TECPR2: variants seen among roughly 807,000 people sequenced by gnomAD.
The protein encoded by TECPR2 is tectonin beta-propeller repeat-containing protein 2.
In TECPR2, 65 loss-of-function variants were observed where a neutral mutation model predicts 138.1. The observed-to-expected ratio is 0.47, with a 90% CI of 0.39 to 0.58. The LOEUF is 0.58. Ranked by LOEUF, TECPR2 falls within the 20% of genes least tolerant of loss-of-function variation. The pLI, the probability that TECPR2 is intolerant of heterozygous loss-of-function variation, is 0.00. For missense variants in TECPR2, 1,553 were observed against 1,824.5 expected (o/e 0.85, Z 2.71); for synonymous variants, 746 against 749.8 (o/e 0.99, Z 0.08).
chr14:102,426,168 G>GA (rs1889315892), intron 6 of TECPR2, among the ~76,000 whole-genome samples: 1 of 151,658 alleles, frequency 6.6e-6, no homozygotes, highest in Non-Finnish European at 1.5e-5. Flanking sequence ...TTACAGGCGT[G>GA]AACCGCCGCG....
intron 4 of TECPR2, among the ~76,000 whole-genome samples, chr14:102,411,303 G>T (rs1888848923): frequency 6.6e-6 from 1 of 152,054 alleles, no homozygotes; most frequent in Non-Finnish European, 1.5e-5. Flanking sequence ...AGGCCTCTGA[G>T]CCCAAGCCAA....
At chr14:102,372,601 G>A (rs1887534102) in intron 1 of TECPR2, among the ~76,000 whole-genome samples, 1 of 152,098 alleles carries the variant, frequency 6.6e-6, no homozygotes, top group Non-Finnish European at 1.5e-5. Flanking sequence ...AAATTTTTGA[G>A]GCCGGGCATG....
At chr14:102,428,186 T>G (rs1341451281) in intron 6 of TECPR2, 64 bp from the exon 7 acceptor site, 2 of 1,475,936 alleles carry the variant, frequency 1.4e-6, no homozygotes, top group African/African-American at 2.9e-5. Context: ...ATTTTTATGC[T>G]TTGAGCTGTT....
chr14:102,434,251 C>A lies in TECPR2; in HGVS notation c.1434C>A (p.Ser478Arg). The change falls in exon 9 of 20, where the codon AGC (serine) becomes AGA (arginine). Residue 478 changes from serine to arginine, a missense_variant. By Grantham distance (110) the Ser-to-Arg change is moderately radical. Transcript: ENST00000359520. ...CTGAATTAGAAGGTGGAAGCAGGAG[C>A]ACCTGTCACAGCTCCCTGGAATCGA... is the stretch of plus-strand genomic sequence containing the variant. ...KKKKTEGGSR[S>R]TCHSSLESTP... 7.3e-7 allele frequency: 1 copy of A among 1,371,028 alleles called. No individual in the cohort carries two copies. Among genetic ancestry groups the A allele is most frequent in the South Asian group, 2.6e-5 (1 of 38,986 alleles). 84.9% of individuals were successfully genotyped at this position (1,371,028 alleles called of 1,614,324 possible).
At chr14:102,424,889 GT>G in intron 5 of TECPR2, 89 bp from the exon 6 acceptor site, 2 of 1,318,820 alleles carry the variant, frequency 1.5e-6, no homozygotes, top group South Asian at 2.9e-5. Context: ...AAAAATTCTT[GT>G]TGTACTTAAT....
chr14:102,483,808 T>G (rs1050434301), intron 17 of TECPR2, among the ~76,000 whole-genome samples: 9 of 148,966 alleles, frequency 6.0e-5, no homozygotes, highest in African/African-American at 2.0e-4. Context: ...TTTTTTTTTT[T>G]TTTTGAGTTG....
At chr14:102,441,535 A>G (rs1889831756) in intron 11 of TECPR2, among the ~76,000 whole-genome samples, 1 of 151,512 alleles carries the variant, frequency 6.6e-6, no homozygotes, top group Admixed American at 6.6e-5. Flanking sequence ...AAAAAAATAC[A>G]AAAAATTAGC....
At chr14:102,479,188 G>A (rs1230215489) in intron 17 of TECPR2, among the ~76,000 whole-genome samples, 1 of 152,190 alleles carries the variant, frequency 6.6e-6, no homozygotes, top group Non-Finnish European at 1.5e-5. Context: ...GATGGGTAGT[G>A]TTTGAACTTG....
intron 2 of TECPR2, among the ~76,000 whole-genome samples, chr14:102,401,033 A>C (rs1411575008): frequency 1.3e-5 from 2 of 150,864 alleles, no homozygotes; most frequent in African/African-American, 4.9e-5. Flanking sequence ...ACTCGTCGCA[A>C]AAAAAAAGGA....
chr14:102,484,401 G>T (rs1412748312), intron 17 of TECPR2, among the ~76,000 whole-genome samples: 2 of 152,136 alleles, frequency 1.3e-5, no homozygotes, highest in Non-Finnish European at 2.9e-5. Flanking sequence ...CTTTTACATG[G>T]CAGAGGCTTT....
chr14:102,462,744 C>A (rs148901118), intron 16 of TECPR2, among the ~76,000 whole-genome samples: 61 of 152,308 alleles, frequency 4.0e-4, no homozygotes, highest in African/African-American at 1.1e-3. Flanking sequence ...TTAAAAACTT[C>A]TCATCCAAAA....
intron 2 of TECPR2, among the ~76,000 whole-genome samples, chr14:102,378,065 A>T (rs1453137993): frequency 6.6e-6 from 1 of 152,224 alleles, no homozygotes; most frequent in Admixed American, 6.5e-5. Flanking sequence ...GGTGAACTGT[A>T]ATGTAATTCA....
intron 4 of TECPR2, 31 bp downstream of exon 4, chr14:102,408,650 C>T: frequency 6.4e-7 from 1 of 1,569,244 alleles, no homozygotes; most frequent in South Asian, 1.2e-5. Flanking sequence ...ACTGTTGGCT[C>T]TTACCTTCTT....
intron 16 of TECPR2, among the ~76,000 whole-genome samples, chr14:102,455,291 C>T (rs1338538079): frequency 6.6e-6 from 1 of 152,144 alleles, no homozygotes; most frequent in Non-Finnish European, 1.5e-5. Context: ...AAATCAATGT[C>T]AGTATCCGGC....
At chr14:102,475,574 T>G (rs1567357495) in intron 17 of TECPR2, among the ~76,000 whole-genome samples, 1 of 152,172 alleles carries the variant, frequency 6.6e-6, no homozygotes, top group Non-Finnish European at 1.5e-5. Context: ...GCTCTGGTCC[T>G]ACCTACTGGA....
intron 17 of TECPR2, among the ~76,000 whole-genome samples, chr14:102,477,934 C>CA (rs1188082616): frequency 0.51 from 22,757 of 44,294 alleles, 5,801 homozygotes; most frequent in African/African-American, 0.69. Context: ...GACTCCGTCT[C>CA]AAAAAAAAAA....
chr14:102,449,559 C>T, intron 13 of TECPR2, 70 bp from the exon 14 acceptor site: 1 of 1,591,048 alleles, frequency 6.3e-7, no homozygotes, highest in Non-Finnish European at 8.6e-7. Flanking sequence ...CTAGAACCTT[C>T]CCTCAAGGCA....
rs1478821339 is a variant in TECPR2 at position 102,414,646 on chromosome 14, A to G, written c.491A>G (p.Asn164Ser). 4 of 1,614,020 alleles carry G rather than the reference A, an allele frequency of 2.5e-6. No individual in the cohort carries two copies. Among genetic ancestry groups the G allele is most frequent in the Non-Finnish European group, 3.4e-6 (4 of 1,179,994 alleles). Residue 164 changes from asparagine (N) to serine (S), a missense_variant, in exon 5 of 20, where the codon AAC becomes AGC. Physicochemically the swap from Asn to Ser is conservative, Grantham distance 46. Coordinates refer to ENST00000359520, the MANE Select transcript of TECPR2 (RefSeq NM_014844.5). ...SSLDLDQGLC[N>S]SQLVLEEPSS... ...GACTTTCTCTGCCAGGGGCTCTGTA[A>G]CTCCCAGCTGGTGTTGGAGGAGCCA... is the stretch of plus-strand genomic sequence containing the variant.
intron 1 of TECPR2, among the ~76,000 whole-genome samples, chr14:102,371,708 C>T (rs1294621169): frequency 2.0e-5 from 3 of 152,076 alleles, no homozygotes; most frequent in Non-Finnish European, 4.4e-5. Flanking sequence ...CAGTGTACTC[C>T]AAGAATATAC....
Sources: gnomAD v4.1 joint callset for allele counts (sites outside exome capture counted in the v4.1 genomes callset) on GRCh38, gnomAD v4.1.1 for gene constraint, MANE v1.5 for transcripts, NCBI Gene and HGNC (gene_info 2026-07-23, HGNC 2026-07-21) for gene names.